The following PANK3 variants were observed in gnomAD, a reference collection of about 807,000 sequenced individuals.
The protein encoded by PANK3 is pantothenate kinase 3, also known as hPanK3.
A neutral mutation model predicts 39.4 loss-of-function variants in PANK3; 20 were observed. That is an observed-to-expected ratio of 0.51 (90% confidence interval 0.36 to 0.74). The LOEUF is 0.74. Ranked by LOEUF, PANK3 falls within the 30% of genes least tolerant of loss-of-function variation. PANK3 has a pLI of 0.00. For synonymous variants in PANK3, 140 were observed against 157.3 expected (o/e 0.89, Z 0.82); for missense variants, 265 against 437.0 (o/e 0.61, Z 3.51).
rs180789456 is a variant in PANK3 at position 168,553,108 on chromosome 5, C to T, written c.*4463G>A. 3.5e-4 allele frequency: 149 copies of T among 431,172 alleles called. 2 individuals are homozygous for T. The highest frequency in any genetic ancestry group is 2.3e-4 in the Non-Finnish European group (51 of 218,668). 26.7% of individuals were successfully genotyped at this position (431,172 alleles called of 1,614,324 possible). A position where few individuals can be genotyped will look rare whatever the true frequency, so the allele number is the denominator to read the frequency against. ...GAGCAAAAACTTACGACTTCCAGGG[C>T]AAAATGGAAGGGCTACACTTTATAG... On this transcript the variant is annotated 3_prime_UTR_variant, in exon 7 of 7. Coordinates refer to ENST00000239231, the MANE Select transcript of PANK3 (RefSeq NM_024594.4).
chr5:168,569,028 A>ATAT (rs1292867383), intron 1 of PANK3, 30 bp from the exon 2 acceptor site: 54 of 255,338 alleles, frequency 2.1e-4, no homozygotes, highest in African/African-American at 2.0e-3. Flanking sequence ...AAAAAAAAAA[A>ATAT]AAATATATAT....
At position 168,556,979 on chromosome 5, in the gene PANK3, T is replaced by C. The variant is rs1359734729; in HGVS notation, c.*592A>G. On this transcript the variant is annotated 3_prime_UTR_variant, in exon 7 of 7. Coordinates refer to ENST00000239231, the MANE Select transcript of PANK3 (RefSeq NM_024594.4). Reference sequence around the variant, plus strand: ...TTTTAGAATTCTCATGAAAATTTAATAATAGTATTTCAGTTAATTATGGCA... The same window carrying C: ...TTTTAGAATTCTCATGAAAATTTAACAATAGTATTTCAGTTAATTATGGCA... The C allele has an allele frequency of 1.3e-5, 2 of 152,654 alleles. No homozygotes were observed. The highest frequency in any genetic ancestry group is 3.8e-4 in the East Asian group (2 of 5,204). 9.5% of individuals were successfully genotyped at this position (152,654 alleles called of 1,614,324 possible). A position where few individuals can be genotyped will look rare whatever the true frequency, so the allele number is the denominator to read the frequency against.
In PANK3 at chr5:168,557,126, TTTGA is replaced by T; in HGVS notation, c.*441_*444del. The T allele has an allele frequency of 6.5e-6, 1 of 154,942 alleles. No individual in the cohort carries two copies. Among genetic ancestry groups the T allele is most frequent in the East Asian group, 1.9e-4 (1 of 5,274 alleles). 9.6% of individuals were successfully genotyped at this position (154,942 alleles called of 1,614,324 possible). On this transcript the variant is annotated 3_prime_UTR_variant, in exon 7 of 7. Coordinates refer to ENST00000239231, the MANE Select transcript of PANK3 (RefSeq NM_024594.4). ...CTAAAATCACATAAAAATGATCATCTTTGATTGCCATTTCAGTAATTTTGAATAC... is the reference window on the plus strand; with the variant it reads ...CTAAAATCACATAAAAATGATCATCTTTGCCATTTCAGTAATTTTGAATAC...
At chr5:168,558,941 G>A in intron 6 of PANK3, 91 bp downstream of exon 6, 1 of 1,245,742 alleles carries the variant, frequency 8.0e-7, no homozygotes, top group South Asian at 1.6e-5. Context: ...CCATCATTGT[G>A]CCACTAAACT....
At chr5:168,575,825 T>C (rs1363183764) in intron 1 of PANK3, among the ~76,000 whole-genome samples, 2 of 151,620 alleles carry the variant, frequency 1.3e-5, no homozygotes, top group Non-Finnish European at 2.9e-5. Flanking sequence ...AGGGGGGAGA[T>C]ACTAAACTAA....
Position 168,556,360 on chromosome 5 carries a change from G to A in PANK3, c.*1211C>T, listed in dbSNP as rs1759348814. 6.6e-6 allele frequency: 1 copy of A among 152,196 alleles called. No individual in the cohort carries two copies. The highest frequency in any genetic ancestry group is 2.4e-5 in the African/African-American group (1 of 41,432). The allele number at this position is 152,196 out of a possible 1,614,324, so 9.4% of individuals were successfully genotyped here. ...ATATGCATTTCTACCATCAACTCCT[G>A]GTTTTGCAGTATTTTTATAAATGGA... On this transcript the variant is annotated 3_prime_UTR_variant, in exon 7 of 7. Transcript: ENST00000239231.
Position 168,556,219 on chromosome 5 carries a change from G to A in PANK3, c.*1352C>T, listed in dbSNP as rs192853023. On this transcript the variant is annotated 3_prime_UTR_variant, in exon 7 of 7. Transcript: ENST00000239231. ...CTCTTGGGGTCCCTTGATGGGGGCT[G>A]TTGGGAAGTGGAAGGCATTCTTTTA... The A allele has an allele frequency of 6.6e-6, 1 of 152,252 alleles. No homozygotes were observed. The highest frequency in any genetic ancestry group is 6.5e-5 in the Admixed American group (1 of 15,274). The allele number at this position is 152,252 out of a possible 1,614,324, so 9.4% of individuals were successfully genotyped here. A position where few individuals can be genotyped will look rare whatever the true frequency, so the allele number is the denominator to read the frequency against.
chr5:168,572,678 A>G (rs1759660058), intron 1 of PANK3, among the ~76,000 whole-genome samples: 1 of 152,204 alleles, frequency 6.6e-6, no homozygotes, highest in Admixed American at 6.5e-5. Flanking sequence ...CAGTTGCTTC[A>G]GGCCATCTGG....
At chr5:168,578,317 GC>G (rs1277340947) in intron 1 of PANK3, among the ~76,000 whole-genome samples, 1 of 152,208 alleles carries the variant, frequency 6.6e-6, no homozygotes, top group Non-Finnish European at 1.5e-5. Context: ...CGATAGGCGG[GC>G]AGGGAAGGTG....
intron 1 of PANK3, 32 bp from the exon 2 acceptor site, chr5:168,569,030 A>G: frequency 9.0e-6 from 1 of 111,274 alleles, no homozygotes; most frequent in Non-Finnish European, 1.3e-5. Flanking sequence ...AAAAAAAAAA[A>G]ATATATATAT....
At chr5:168,578,564 A>G (rs578182192) in intron 1 of PANK3, 1 of 152,372 alleles carries the variant, frequency 6.6e-6, no homozygotes, top group Non-Finnish European at 1.5e-5. Context: ...GAAGCAAATG[A>G]AAGTCGACCT....
chr5:168,557,518 G>A lies in PANK3; in HGVS notation c.*53C>T. On this transcript the variant is annotated 3_prime_UTR_variant, in exon 7 of 7. Coordinates refer to ENST00000239231, the MANE Select transcript of PANK3 (RefSeq NM_024594.4). ...CAAACAATGCAGTAATAATGCCTCT[G>A]GTTTTAGTTCCTCTTGGATGACATT... The A allele has an allele frequency of 6.6e-7, 1 of 1,504,838 alleles. No homozygotes were observed. The highest frequency in any genetic ancestry group is 1.7e-5 in the Admixed American group (1 of 58,494). The allele number at this position is 1,504,838 out of a possible 1,614,324, so 93.2% of individuals were successfully genotyped here. A position where few individuals can be genotyped will look rare whatever the true frequency, so the allele number is the denominator to read the frequency against.
At position 168,551,628 on chromosome 5, in the gene PANK3, A is replaced by G. The variant is rs1373500764; in HGVS notation, c.*5943T>C. On this transcript the variant is annotated 3_prime_UTR_variant, in exon 7 of 7. Transcript: ENST00000239231. ...AAACAACCTTAAAAATCAAGGCAAG[A>G]TGGACTACTCTTTGAAGGCAAGAAT... The G allele has an allele frequency of 2.6e-5, 4 of 152,204 alleles. No individual in the cohort carries two copies. The highest frequency in any genetic ancestry group is 9.6e-5 in the African/African-American group (4 of 41,456). 9.4% of individuals were successfully genotyped at this position (152,204 alleles called of 1,614,324 possible).
At position 168,577,202 on chromosome 5, in the gene PANK3, T is replaced by C. The variant is rs186287025; in HGVS notation, c.28+2054A>G. Reference sequence around the variant, plus strand: ...CCTTATTTTTTATTATCTGGGACAGTTCATGGTTGAAATACCTTCTTTCCC... The same window carrying C: ...CCTTATTTTTTATTATCTGGGACAGCTCATGGTTGAAATACCTTCTTTCCC... On this transcript the variant is annotated intron_variant, in intron 1 of 6. Transcript: ENST00000239231. Among the ~76,000 whole-genome samples the C allele has an allele frequency of 1.1e-4, 17 of 152,016 alleles. No individual in the cohort carries two copies. The East Asian group carries it at 3.3e-3, about 30-fold the overall frequency.
chr5:168,579,161 G>T (rs1759787362), intron 1 of PANK3, 95 bp downstream of exon 1: 5 of 1,175,268 alleles, frequency 4.3e-6, no homozygotes, highest in African/African-American at 1.6e-5. Context: ...CCGGCGAGGA[G>T]CGACGGGCTT....
chr5:168,573,808 A>C, intron 1 of PANK3, among the ~76,000 whole-genome samples: 2 of 151,594 alleles, frequency 1.3e-5, no homozygotes, highest in Non-Finnish European at 2.9e-5. Context: ...GAGAATGATG[A>C]TTTCCAATTT....
chr5:168,559,082 G>A lies in PANK3; in HGVS notation c.1012C>T (p.Leu338=), dbSNP rs146248836. Residue 338 remains leucine (L), a synonymous_variant, in exon 6 of 7, where the codon CTG becomes TTG. Transcript: ENST00000239231. The part of the protein sequence containing the change: ...TLSMKLLAYA[L]DYWSKGQLKA... ...AGTTGACCTTTTGACCAGTAATCCA[G>A]TGCATATGCCAAAAGTTTCATTGAG... The A allele has an allele frequency of 2.2e-4, 355 of 1,610,368 alleles. No individual in the cohort carries two copies. The highest frequency in any genetic ancestry group is 2.8e-4 in the Non-Finnish European group (331 of 1,177,584).
chr5:168,573,051 C>G (rs1759668711), intron 1 of PANK3, among the ~76,000 whole-genome samples: 1 of 152,124 alleles, frequency 6.6e-6, no homozygotes, highest in Non-Finnish European at 1.5e-5. Flanking sequence ...AGGTCCAAAT[C>G]TAGCCTACTA....
At chr5:168,569,430 G>A (rs1277086850) in intron 1 of PANK3, among the ~76,000 whole-genome samples, 3 of 151,272 alleles carry the variant, frequency 2.0e-5, no homozygotes, top group Non-Finnish European at 2.9e-5. Flanking sequence ...CTGACCTTGT[G>A]ATCCGCCTGC....
Sources: allele counts gnomAD v4.1 joint callset (sites outside exome capture counted in the v4.1 genomes callset), GRCh38; gene constraint gnomAD v4.1.1; transcripts MANE v1.5; gene names NCBI Gene and HGNC (gene_info 2026-07-23, HGNC 2026-07-21).